AGBL1: variants seen among roughly 807,000 people sequenced by gnomAD.
AGBL1 encodes the protein AGBL carboxypeptidase 1, also known as cytosolic carboxypeptidase 4.
AGBL1 carries 130 observed loss-of-function variants against 118.9 expected under a neutral mutation model. The observed-to-expected ratio is 1.09, with a 90% CI of 0.95 to 1.26. AGBL1 has a LOEUF of 1.26. Among genes scored for constraint, AGBL1 ranks in the 50% most tolerant of loss-of-function variants. AGBL1 has a pLI of 0.00. For synonymous variants in AGBL1, 555 were observed against 478.9 expected (o/e 1.16, Z -2.08); for missense variants, 1,584 against 1,298.1 (o/e 1.22, Z -3.38).
intron 19 of AGBL1, among the ~76,000 whole-genome samples, chr15:86,535,507 G>C (rs2083413234): frequency 6.6e-6 from 1 of 152,216 alleles, no homozygotes; most frequent in South Asian, 2.1e-4. Flanking sequence ...AATGGGAATG[G>C]GATCGATTCC....
intron 21 of AGBL1, among the ~76,000 whole-genome samples, chr15:86,582,624 A>G (rs966504263): frequency 1.3e-5 from 2 of 152,172 alleles, no homozygotes; most frequent in African/African-American, 2.4e-5. Flanking sequence ...ATGTCCAACA[A>G]TGATAGACTG....
At chr15:86,812,383 C>A (rs1369078088) in intron 22 of AGBL1, among the ~76,000 whole-genome samples, 1 of 152,180 alleles carries the variant, frequency 6.6e-6, no homozygotes, top group African/African-American at 2.4e-5. Flanking sequence ...AGGGGTTGAA[C>A]AACTTGCTTC....
chr15:86,735,653 G>GCTAT lies in AGBL1; in HGVS notation c.3158+61217_3158+61218insCTAT, dbSNP rs1555444825. ...GTGTGTGTATTTCCTGCTACAAAGA[G>GCTAT]AGATATATATATATATTTTATTTGT... is the stretch of plus-strand genomic sequence containing the variant. On this transcript the variant is annotated intron_variant, in intron 22 of 22. Coordinates refer to ENST00000614907, the MANE Select transcript of AGBL1 (RefSeq NM_001386094.1). Among the ~76,000 whole-genome samples, 170 of 143,090 alleles carry GCTAT rather than the reference G, an allele frequency of 1.2e-3. 4 individuals are homozygous for GCTAT. Among genetic ancestry groups the GCTAT allele is most frequent in the African/African-American group, 4.3e-3 (161 of 37,276 alleles). The allele number at this position is 143,090 out of a possible 152,430, so 93.9% of individuals were successfully genotyped here. A position where few individuals can be genotyped will look rare whatever the true frequency, so the allele number is the denominator to read the frequency against.
chr15:86,593,982 G>A (rs2084373438), intron 21 of AGBL1, among the ~76,000 whole-genome samples: 1 of 151,846 alleles, frequency 6.6e-6, no homozygotes, highest in Non-Finnish European at 1.5e-5. Flanking sequence ...GAGTGCAACA[G>A]TGCAATCATA....
intron 22 of AGBL1, among the ~76,000 whole-genome samples, chr15:86,784,791 C>G (rs76056080): frequency 1.3e-5 from 2 of 152,148 alleles, no homozygotes; most frequent in African/African-American, 2.4e-5. Context: ...AGCTATAGCC[C>G]GAGTTCCTAC....
chr15:86,775,745 T>A (rs182474755), intron 22 of AGBL1, among the ~76,000 whole-genome samples: 7 of 152,312 alleles, frequency 4.6e-5, no homozygotes, highest in Non-Finnish European at 8.8e-5. Context: ...TTACTATATT[T>A]TATATTAAAA....
At chr15:86,952,531 G>C (rs1393199999) in intron 23 of AGBL1, among the ~76,000 whole-genome samples, 1 of 151,994 alleles carries the variant, frequency 6.6e-6, no homozygotes. Context: ...TTTAAATGAG[G>C]TTGTTTCTTT....
At chr15:86,461,563 A>G (rs763312) in intron 18 of AGBL1, among the ~76,000 whole-genome samples, 57,932 of 152,098 alleles carry the variant, frequency 0.38, 12,132 homozygotes, top group Middle Eastern at 0.53. Flanking sequence ...TCACAGGAGT[A>G]TCACGGCAAT....
chr15:86,618,617 A>G (rs2084762593), intron 21 of AGBL1, among the ~76,000 whole-genome samples: 1 of 152,222 alleles, frequency 6.6e-6, no homozygotes, highest in African/African-American at 2.4e-5. Context: ...TTTATGTCAC[A>G]TGTATAGTGC....
intron 22 of AGBL1, among the ~76,000 whole-genome samples, chr15:86,825,894 TAGATAGATAGATAGATA>T (rs1305306103): frequency 6.7e-5 from 1 of 14,824 alleles, no homozygotes; most frequent in Non-Finnish European, 2.8e-4. Flanking sequence ...GATGGATAGA[TAGATAGATAGATAGATA>T]GATAGATAGA....
chr15:86,463,804 T>C (rs956817957), intron 18 of AGBL1, among the ~76,000 whole-genome samples: 2 of 152,216 alleles, frequency 1.3e-5, no homozygotes, highest in Admixed American at 1.3e-4. Flanking sequence ...TCTATATATC[T>C]GTTTTCATAC....
chr15:86,638,989 G>T (rs2085148951), intron 21 of AGBL1, among the ~76,000 whole-genome samples: 1 of 152,114 alleles, frequency 6.6e-6, no homozygotes, highest in South Asian at 2.1e-4. Context: ...CTATCTGTCG[G>T]CTGGAGGCCA....
intron 17 of AGBL1, among the ~76,000 whole-genome samples, chr15:86,352,684 G>A (rs1027484633): frequency 6.6e-6 from 1 of 152,052 alleles, no homozygotes; most frequent in Non-Finnish European, 1.5e-5. Context: ...GTTTCACTAT[G>A]TTGGCCAGGC....
At chr15:87,022,084 T>C (rs1860137499) in intron 24 of AGBL1, among the ~76,000 whole-genome samples, 1 of 151,950 alleles carries the variant, frequency 6.6e-6, no homozygotes, top group Admixed American at 6.6e-5. Flanking sequence ...GCCACATCCA[T>C]AGGAAAAGGG....
chr15:86,301,844 G>A (rs1012630559), intron 17 of AGBL1, among the ~76,000 whole-genome samples: 1 of 152,066 alleles, frequency 6.6e-6, no homozygotes, highest in Non-Finnish European at 1.5e-5. Flanking sequence ...CCACGTGCCT[G>A]GTGGTCTTGT....
chr15:86,623,603 A>G (rs1236864018), intron 21 of AGBL1, among the ~76,000 whole-genome samples: 2 of 152,124 alleles, frequency 1.3e-5, no homozygotes, highest in African/African-American at 4.8e-5. Flanking sequence ...TATTTTTGTT[A>G]TCTGATAGAA....
chr15:86,402,357 T>C (rs2081461701), intron 18 of AGBL1, among the ~76,000 whole-genome samples: 1 of 152,122 alleles, frequency 6.6e-6, no homozygotes, highest in Non-Finnish European at 1.5e-5. Context: ...GCTCTTTGGA[T>C]GAGTCTTTAG....
intron 22 of AGBL1, among the ~76,000 whole-genome samples, chr15:86,889,092 T>A (rs560054945): frequency 6.6e-6 from 1 of 152,188 alleles, no homozygotes; most frequent in East Asian, 1.9e-4. Context: ...TTTACAACGT[T>A]TATAATTTGT....
In AGBL1 at chr15:86,557,712, GGTGA is replaced by G. The variant is rs528734453; in HGVS notation, c.2994+3178_2994+3181del. 4.6e-5 allele frequency among the ~76,000 whole-genome samples: 7 copies of G among 152,062 alleles called. No homozygotes were observed. In the South Asian group the frequency reaches 1.5e-3, roughly 32 times the overall value. On this transcript the variant is annotated intron_variant, in intron 21 of 22. Transcript: ENST00000614907. ...TCGATAAAATCCACCTCATCATCGTGGTGAGTAAGGCCTTTTACAATCTCTTCTT... is the reference window on the plus strand; with the variant it reads ...TCGATAAAATCCACCTCATCATCGTGGTAAGGCCTTTTACAATCTCTTCTT...
Sources: allele counts gnomAD v4.1 joint callset (sites outside exome capture counted in the v4.1 genomes callset), GRCh38; gene constraint gnomAD v4.1.1; transcripts MANE v1.5; gene names NCBI Gene and HGNC (gene_info 2026-07-23, HGNC 2026-07-21).